Variants in TLL1 observed in about 807,000 individuals in gnomAD.
TLL1 encodes tolloid-like protein 1.
A neutral mutation model predicts 128.2 loss-of-function variants in TLL1; 49 were observed. The ratio of observed to expected loss-of-function variants is 0.38; its 90% CI spans 0.30 to 0.48. The LOEUF is 0.48. TLL1 is among the 20% of genes least tolerant of loss of function. The pLI is 0.96. For missense variants in TLL1, 1,123 were observed against 1,242.0 expected (o/e 0.90, Z 1.44); for synonymous variants, 454 against 418.8 (o/e 1.08, Z -1.03).
intron 1 of TLL1, among the ~76,000 whole-genome samples, chr4:165,960,867 A>G (rs897660068): frequency 3.9e-5 from 6 of 152,136 alleles, no homozygotes; most frequent in Admixed American, 2.0e-4. Flanking sequence ...TGAACAGGCC[A>G]TACTGAACAG....
In TLL1 at chr4:166,025,346, G is replaced by A. The variant is rs1203887128; in HGVS notation, c.1073G>A (p.Gly358Asp). The part of the protein sequence containing the change: ...ACGETLQESN[G>D]NLSSPGFPNG... ...GGAGAAACTCTACAAGAATCCAATG[G>A]CAACCTTTCCTCTCCAGGATTTCCC... The change falls in exon 9 of 21, where the codon GGC becomes GAC. Residue 358 changes from glycine (G) to aspartate (D), a missense_variant. Physicochemically the swap from Gly to Asp is moderately conservative, Grantham distance 94 (BLOSUM62 -1). This residue lies in a region of TLL1 where 480 missense variants were observed against 542.4 expected (regional missense o/e 0.89). Transcript: ENST00000061240. 2.5e-6 allele frequency: 4 copies of A among 1,613,610 alleles called. No homozygotes were observed. Among genetic ancestry groups the A allele is most frequent in the East Asian group, 2.2e-5 (1 of 44,816 alleles).
intron 1 of TLL1, among the ~76,000 whole-genome samples, chr4:165,923,549 C>A (rs1444275564): frequency 6.7e-6 from 1 of 150,204 alleles, no homozygotes; most frequent in African/African-American, 2.4e-5. Flanking sequence ...CTGCCTCAGC[C>A]TCCTGTCCTG....
At chr4:166,004,479 T>G (rs1579610714) in intron 6 of TLL1, among the ~76,000 whole-genome samples, 1 of 152,132 alleles carries the variant, frequency 6.6e-6, no homozygotes, top group East Asian at 1.9e-4. Context: ...GTGGGATATG[T>G]GCATATATAT....
chr4:165,917,351 G>A (rs1356394500), intron 1 of TLL1, among the ~76,000 whole-genome samples: 5 of 151,998 alleles, frequency 3.3e-5, no homozygotes, highest in Non-Finnish European at 5.9e-5. Context: ...TCTGCCTTAG[G>A]TTTGAATTCT....
chr4:166,023,333 G>A (rs1157295706), intron 8 of TLL1, among the ~76,000 whole-genome samples: 3 of 152,170 alleles, frequency 2.0e-5, no homozygotes, highest in African/African-American at 7.2e-5. Flanking sequence ...CTGGGAGGTG[G>A]AGGTTGCAGT....
chr4:166,003,309 A>G, intron 5 of TLL1, 82 bp from the exon 6 acceptor site: 2 of 1,436,660 alleles, frequency 1.4e-6, no homozygotes, highest in Non-Finnish European at 9.8e-7. Context: ...GCTCATCACT[A>G]TTCTTTACAA....
chr4:165,980,684 T>C (rs1736113304), intron 1 of TLL1, among the ~76,000 whole-genome samples: 1 of 152,048 alleles, frequency 6.6e-6, no homozygotes, highest in South Asian at 2.1e-4. Context: ...TACCTGAGCC[T>C]ACTGGAATTT....
At chr4:165,914,831 G>C (rs2110878328) in intron 1 of TLL1, among the ~76,000 whole-genome samples, 1 of 152,266 alleles carries the variant, frequency 6.6e-6, no homozygotes, top group Middle Eastern at 3.4e-3. Flanking sequence ...AAACAAATCT[G>C]CCCTCTGCTG....
chr4:165,972,475 G>C (rs1166154877), intron 1 of TLL1, among the ~76,000 whole-genome samples: 2 of 152,100 alleles, frequency 1.3e-5, no homozygotes, highest in Non-Finnish European at 2.9e-5. Flanking sequence ...CTCATATCCT[G>C]AATCTCAGTA....
intron 1 of TLL1, among the ~76,000 whole-genome samples, chr4:165,901,005 T>A (rs1309196803): frequency 1.2e-4 from 9 of 77,320 alleles, no homozygotes; most frequent in Non-Finnish European, 2.5e-4. Flanking sequence ...ACCTCTGATA[T>A]TTTTTCTTCT....
chr4:166,015,265 T>C (rs1384011179), intron 8 of TLL1, among the ~76,000 whole-genome samples: 1 of 152,012 alleles, frequency 6.6e-6, no homozygotes, highest in Non-Finnish European at 1.5e-5. Flanking sequence ...CATAACACAG[T>C]CTTTTCCAAA....
chr4:165,957,514 T>C (rs1173127985), intron 1 of TLL1, among the ~76,000 whole-genome samples: 1 of 151,900 alleles, frequency 6.6e-6, no homozygotes, highest in Non-Finnish European at 1.5e-5. Flanking sequence ...TTATTTACTT[T>C]TATTTTTCCA....
intron 8 of TLL1, among the ~76,000 whole-genome samples, chr4:166,020,330 T>C (rs1044839733): frequency 1.4e-5 from 2 of 137,948 alleles, no homozygotes; most frequent in East Asian, 1.9e-4. Context: ...TTCTATTCCA[T>C]GTACTGTGAC....
intron 9 of TLL1, among the ~76,000 whole-genome samples, chr4:166,036,085 A>C (rs1037337201): frequency 2.0e-5 from 3 of 152,166 alleles, no homozygotes; most frequent in Admixed American, 6.6e-5. Context: ...GTATGGTGCA[A>C]GTATTACGCT....
chr4:166,093,022 T>C (rs1278871299), intron 19 of TLL1, among the ~76,000 whole-genome samples: 1 of 152,192 alleles, frequency 6.6e-6, no homozygotes, highest in African/African-American at 2.4e-5. Context: ...ATGATTAACA[T>C]TCCATTGAGA....
At chr4:166,002,722 G>A (rs146743380) in intron 5 of TLL1, among the ~76,000 whole-genome samples, 12 of 152,198 alleles carry the variant, frequency 7.9e-5, no homozygotes, top group Non-Finnish European at 1.6e-4. Context: ...TAGGATTACA[G>A]GCATGAGCCA....
intron 18 of TLL1, among the ~76,000 whole-genome samples, chr4:166,089,562 TG>T (rs1408890852): frequency 6.6e-5 from 10 of 152,274 alleles, no homozygotes; most frequent in Admixed American, 2.0e-4. Context: ...TCACCTGCTT[TG>T]CATGTTGTGC....
rs1295549701 is a variant in TLL1, at chr4:166,103,095, T to A, written c.*2219T>A. The A allele has an allele frequency of 6.6e-6, 1 of 151,920 alleles. No homozygotes were observed. The highest frequency in any genetic ancestry group is 1.5e-5 in the Non-Finnish European group (1 of 67,884). 9.4% of individuals were successfully genotyped at this position (151,920 alleles called of 1,614,324 possible). ...CAGAAAGTGAGGCTCAAAGAATTTA[T>A]GTAACCTTCCCAGAGTCACAGTGTA... On this transcript the variant is annotated 3_prime_UTR_variant, in exon 21 of 21. Coordinates refer to ENST00000061240, the MANE Select transcript of TLL1 (RefSeq NM_012464.5).
Position 166,014,532 on chromosome 4 carries a change from A to G in TLL1, c.1014A>G (p.Ala338=). 1 of 1,612,288 alleles carries G rather than the reference A, an allele frequency of 6.2e-7. No homozygotes were observed. Residue 338 remains alanine (A), a synonymous_variant, in exon 8 of 21, where the codon GCA becomes GCG. Coordinates refer to ENST00000061240, the MANE Select transcript of TLL1 (RefSeq NM_012464.5). ...CCCGTCTAAGCAAAGGAGATATCGC[A>G]CAGGCAAGAAAGCTGTATAGATGTC... ...QRTRLSKGDI[A]QARKLYRCPA... is the part of the protein sequence containing the mutation.
Sources: gnomAD v4.1 joint callset for allele counts (sites outside exome capture counted in the v4.1 genomes callset) on GRCh38, gnomAD v4.1.1 for gene constraint, gnomAD v4.1.1 regional missense constraint, MANE v1.5 for transcripts, NCBI Gene and HGNC (gene_info 2026-07-23, HGNC 2026-07-21) for gene names.